The following PCDHA6 variants were observed in gnomAD, a reference collection of about 807,000 sequenced individuals.
PCDHA6 encodes the protein protocadherin alpha 6, also known as protocadherin alpha-6.
In PCDHA6, 55 loss-of-function variants were observed where a neutral mutation model predicts 60.3. That is an observed-to-expected ratio of 0.91 (90% CI 0.73 to 1.14). PCDHA6 has a LOEUF of 1.14. Ranked by LOEUF, PCDHA6 falls within the 50% of genes most tolerant of loss-of-function variation. The pLI, the probability that PCDHA6 is intolerant of heterozygous loss-of-function variation, is 0.00. For synonymous variants in PCDHA6, 652 were observed against 557.9 expected (o/e 1.17, Z -2.38); for missense variants, 1,327 against 1,256.5 (o/e 1.06, Z -0.85).
intron 1 of PCDHA6, among the ~76,000 whole-genome samples, chr5:140,892,696 C>T (rs1005435710): frequency 4.6e-5 from 7 of 152,098 alleles, no homozygotes; most frequent in Admixed American, 6.6e-5. Context: ...ATAATAAAAT[C>T]AGGGTAATTA....
chr5:140,954,782 C>T (rs894049284), intron 1 of PCDHA6, among the ~76,000 whole-genome samples: 3 of 152,128 alleles, frequency 2.0e-5, no homozygotes, highest in Non-Finnish European at 4.4e-5. Context: ...TTAATTAGAT[C>T]TCATTTGTCA....
chr5:140,938,180 A>G (rs913967767), intron 1 of PCDHA6, among the ~76,000 whole-genome samples: 2 of 152,166 alleles, frequency 1.3e-5, no homozygotes, highest in Non-Finnish European at 2.9e-5. Flanking sequence ...TCCTGGGCTC[A>G]AGCAATCCTC....
At chr5:140,967,548 C>T (rs782750678) in intron 1 of PCDHA6, 15 of 1,613,922 alleles carry the variant, frequency 9.3e-6, no homozygotes, top group Non-Finnish European at 1.3e-5. Context: ...GACCAGTCCA[C>T]TTATCGCGTC....
intron 1 of PCDHA6, among the ~76,000 whole-genome samples, chr5:140,923,382 G>A (rs1554201427): frequency 6.6e-6 from 1 of 152,114 alleles, no homozygotes; most frequent in Non-Finnish European, 1.5e-5. Context: ...TTAAAAATTA[G>A]TTGGGCATGG....
At chr5:140,967,373 A>C in intron 1 of PCDHA6, 1 of 1,607,416 alleles carries the variant, frequency 6.2e-7, no homozygotes, top group Non-Finnish European at 8.5e-7. Flanking sequence ...CCTGCAGGAG[A>C]ACAGTAAAGT....
chr5:140,934,103 T>C (rs1400037088), intron 1 of PCDHA6, among the ~76,000 whole-genome samples: 1 of 152,148 alleles, frequency 6.6e-6, no homozygotes, highest in Non-Finnish European at 1.5e-5. Context: ...TGCTTTCTAT[T>C]TTATTAATTT....
chr5:141,006,126 G>T (rs1554260581), intron 3 of PCDHA6, among the ~76,000 whole-genome samples: 1 of 151,330 alleles, frequency 6.6e-6, no homozygotes. Flanking sequence ...TTTTCTCAAG[G>T]CAGTAGAAAG....
rs782014250 is a variant in PCDHA6, at chr5:140,883,952, G to T, written c.2394+53467G>T. On this transcript the variant is annotated intron_variant, in intron 1 of 3. Transcript: ENST00000529310. The stretch of plus-strand genomic sequence containing the variant: ...GTTCGTGCTGGACGAGAACGACAAC[G>T]CTCCGGCGCTGCTGACGCCCGGGGC... 2.0e-5 allele frequency: 32 copies of T among 1,613,030 alleles called. No individual in the cohort carries two copies. The highest frequency in any genetic ancestry group is 2.6e-5 in the Non-Finnish European group (31 of 1,179,806).
rs2153463747 is a variant in PCDHA6 at position 140,899,363 on chromosome 5, C to G, written c.2394+68878C>G. On this transcript the variant is annotated intron_variant, in intron 1 of 3. Coordinates refer to ENST00000529310, the MANE Select transcript of PCDHA6 (RefSeq NM_018909.4). ...AGCTCTTATTATTTTGAGATATGTC[C>G]CATCAATACCTAATTTATTGAGAGT... Among the ~76,000 whole-genome samples, 3 of 152,122 alleles carry G rather than the reference C, an allele frequency of 2.0e-5. No individual in the cohort carries two copies. The South Asian group carries it at 6.2e-4, about 32-fold the overall frequency.
intron 2 of PCDHA6, among the ~76,000 whole-genome samples, chr5:140,979,906 C>T (rs190577549): frequency 1.8e-4 from 27 of 152,204 alleles, no homozygotes; most frequent in African/African-American, 5.5e-4. Context: ...TAGATCAGTT[C>T]GTAAAGAGAA....
rs577838197 is a variant in PCDHA6, at chr5:140,982,551, A to G, written c.2530A>G (p.Ser844Gly). 28 of 1,614,198 alleles carry G rather than the reference A, an allele frequency of 1.7e-5. No individual in the cohort carries two copies. Among genetic ancestry groups the G allele is most frequent in the South Asian group, 1.2e-4 (11 of 91,088 alleles). The change falls in exon 3 of 4, where the codon AGT (serine) becomes GGT (glycine). Residue 844 changes from serine (S) to glycine (G), a missense_variant. Coordinates refer to ENST00000529310, the MANE Select transcript of PCDHA6 (RefSeq NM_018909.4). ...GPDQQWPTVS[S>G]ATPEPEAGEV... is the part of the protein sequence containing the mutation. ...TGATCAGCAGTGGCCAACAGTATCC[A>G]GTGCAACACCAGGTAAAGAGCTGGG... is the stretch of plus-strand genomic sequence containing the variant.
chr5:140,862,903 C>T lies in PCDHA6; in HGVS notation c.2394+32418C>T, dbSNP rs7714617. 5.0e-3 allele frequency: 2,780 copies of T among 551,318 alleles called. 56 individuals are homozygous for T. Among genetic ancestry groups the T allele is most frequent in the African/African-American group, 0.05 (2,518 of 50,680 alleles). 34.2% of individuals were successfully genotyped at this position (551,318 alleles called of 1,614,324 possible). ...TGCTGGAACGACAACTTTGTCTGCG[C>T]TGCTGGCGCCTTGGGTGGGCTGGCG... On this transcript the variant is annotated intron_variant, in intron 1 of 3. Transcript: ENST00000529310.
Position 140,842,808 on chromosome 5 carries a change from A to G in PCDHA6, c.2394+12323A>G. 1.3e-6 allele frequency: 2 copies of G among 1,594,086 alleles called. No individual in the cohort carries two copies. Among genetic ancestry groups the G allele is most frequent in the Non-Finnish European group, 1.7e-6 (2 of 1,165,358 alleles). ...GCGCTGGTGTCCTACTCGCTTGTGG[A>G]GCGGCGGGTGGGCGAGCGCTCGCTG... On this transcript the variant is annotated intron_variant, in intron 1 of 3. Coordinates refer to ENST00000529310, the MANE Select transcript of PCDHA6 (RefSeq NM_018909.4).
intron 1 of PCDHA6, among the ~76,000 whole-genome samples, chr5:140,954,973 G>T (rs781943510): frequency 7.9e-5 from 12 of 152,124 alleles, no homozygotes; most frequent in Non-Finnish European, 1.3e-4. Context: ...AAAGGGTCCA[G>T]TTTCAATTTT....
Position 140,842,704 on chromosome 5 carries a change from G to T in PCDHA6, c.2394+12219G>T, listed in dbSNP as rs151170990. 1.9e-4 allele frequency: 301 copies of T among 1,595,236 alleles called. 23 individuals are homozygous for T. In the African/African-American group the frequency reaches 3.7e-3, roughly 20 times the overall value. On this transcript the variant is annotated intron_variant, in intron 1 of 3. Transcript: ENST00000529310. ...CGGCGTTCGCGCAGCCCGAGTACAC[G>T]GTGTTCGTGAAGGAGAACAACCCGC...
chr5:140,891,374 A>G (rs960838202), intron 1 of PCDHA6, among the ~76,000 whole-genome samples: 11 of 151,996 alleles, frequency 7.2e-5, no homozygotes, highest in Non-Finnish European at 1.3e-4. Flanking sequence ...TATACATTGC[A>G]CCATATTTGC....
intron 1 of PCDHA6, among the ~76,000 whole-genome samples, chr5:140,925,799 C>G (rs1200619545): frequency 6.6e-6 from 1 of 151,996 alleles, no homozygotes; most frequent in Non-Finnish European, 1.5e-5. Flanking sequence ...CAGTACTTTC[C>G]CCTCCACTTC....
chr5:140,856,909 G>T, intron 1 of PCDHA6: 1 of 1,596,132 alleles, frequency 6.3e-7, no homozygotes, highest in African/African-American at 1.3e-5. Context: ...TCCCACCCAC[G>T]ATAAGAAGGA....
chr5:140,863,388 C>A (rs2047990567), intron 1 of PCDHA6: 2 of 1,000,024 alleles, frequency 2.0e-6, no homozygotes, highest in African/African-American at 1.6e-5. Context: ...AGAGCTCGTG[C>A]ATGCCGGGCA....
Sources: gnomAD v4.1 joint callset for allele counts (sites outside exome capture counted in the v4.1 genomes callset) on GRCh38, gnomAD v4.1.1 for gene constraint, MANE v1.5 for transcripts, NCBI Gene and HGNC (gene_info 2026-07-23, HGNC 2026-07-21) for gene names.